RAB3GAP1: variants seen among roughly 807,000 people sequenced by gnomAD.
RAB3GAP1 encodes the protein RAB3 GTPase activating protein catalytic subunit 1.
RAB3GAP1 carries 86 observed loss-of-function variants against 130.7 expected under a neutral mutation model. That is an observed-to-expected ratio of 0.66 (90% CI 0.55 to 0.79). The LOEUF is 0.79. Ranked by LOEUF, RAB3GAP1 falls within the 30% of genes least tolerant of loss-of-function variation. The pLI, the probability that RAB3GAP1 is intolerant of heterozygous loss-of-function variation, is 0.00. For missense variants in RAB3GAP1, 1,029 were observed against 1,169.4 expected, an observed-to-expected ratio of 0.88 and a Z score of 1.75; for synonymous variants, 367 against 401.7, an observed-to-expected ratio of 0.91 and a Z score of 1.03.
At chr2:135,072,211 A>G (rs1186289099) in intron 3 of RAB3GAP1, among the ~76,000 whole-genome samples, 1 of 152,174 alleles carries the variant, frequency 6.6e-6, no homozygotes, top group African/African-American at 2.4e-5. Flanking sequence ...GTGCCCAGCC[A>G]TATATTGGAT....
intron 3 of RAB3GAP1, among the ~76,000 whole-genome samples, chr2:135,073,903 G>A (rs1689548109): frequency 1.3e-5 from 2 of 152,132 alleles, no homozygotes; most frequent in East Asian, 1.9e-4. Context: ...TGTTGGGGAC[G>A]CAAACTGCAG....
At chr2:135,075,355 A>C (rs1215603547) in intron 3 of RAB3GAP1, among the ~76,000 whole-genome samples, 1 of 152,332 alleles carries the variant, frequency 6.6e-6, no homozygotes, top group East Asian at 1.9e-4. Context: ...CCATTCATCT[A>C]CTTTTCAGAA....
chr2:135,087,966 A>G (rs1336096727), intron 3 of RAB3GAP1, among the ~76,000 whole-genome samples: 2 of 152,312 alleles, frequency 1.3e-5, no homozygotes, highest in Non-Finnish European at 2.9e-5. Flanking sequence ...GGAACTTGGT[A>G]TCAAGTGACT....
chr2:135,134,019 C>G lies in RAB3GAP1; in HGVS notation c.1485C>G (p.Asn495Lys), dbSNP rs545412173. Residue 495 changes from asparagine (N) to lysine (K), a missense_variant, in exon 15 of 24, where the codon AAC (asparagine) becomes AAG (lysine). Physicochemically the swap from Asn to Lys is moderately conservative, Grantham distance 94 (BLOSUM62 0). Coordinates refer to ENST00000264158, the MANE Select transcript of RAB3GAP1 (RefSeq NM_012233.3). ...VLEMRFRWEN[N>K]FLIPGLASGP... Reference sequence around the variant, plus strand: ...AAATGCGTTTCCGATGGGAAAACAACTTTCTGATTCCAGGGTAATAATTTC... The same window carrying G: ...AAATGCGTTTCCGATGGGAAAACAAGTTTCTGATTCCAGGGTAATAATTTC... 1 of 1,613,794 alleles carries G rather than the reference C, an allele frequency of 6.2e-7. No homozygotes were observed. Among genetic ancestry groups the G allele is most frequent in the East Asian group, 2.2e-5 (1 of 44,836 alleles).
At position 135,153,633 on chromosome 2, in the gene RAB3GAP1, T is replaced by G. The variant is rs1692233125; in HGVS notation, c.2062-16T>G. The G allele has an allele frequency of 6.2e-7, 1 of 1,611,382 alleles. No homozygotes were observed. The highest frequency in any genetic ancestry group is 8.5e-7 in the Non-Finnish European group (1 of 1,177,490). ...ATTTTCATTTGATTCTGCTGAATTT[T>G]TTTGTCTTATTTTAGGCAGCTAATC... On this transcript the variant is annotated splice_polypyrimidine_tract_variant and intron_variant, in intron 18 of 23. Coordinates refer to ENST00000264158, the MANE Select transcript of RAB3GAP1 (RefSeq NM_012233.3).
chr2:135,079,216 G>GCTCCAGTGATCCTCCCATCTTGGC (rs1689716442), intron 3 of RAB3GAP1, among the ~76,000 whole-genome samples: 1 of 152,072 alleles, frequency 6.6e-6, no homozygotes, highest in Non-Finnish European at 1.5e-5. Flanking sequence ...GAACTCCTGG[G>GCTCCAGTGATCCTCCCATCTTGGC]CTCCAGTGAT....
chr2:135,127,651 C>A (rs949603737), intron 11 of RAB3GAP1, among the ~76,000 whole-genome samples: 4 of 152,076 alleles, frequency 2.6e-5, no homozygotes, highest in African/African-American at 9.7e-5. Context: ...CTGAAGAGCA[C>A]TGTTTTTGAC....
At chr2:135,160,361 G>A (rs1467863202) in intron 19 of RAB3GAP1, among the ~76,000 whole-genome samples, 1 of 152,122 alleles carries the variant, frequency 6.6e-6, no homozygotes, top group Non-Finnish European at 1.5e-5. Context: ...TAGTGGTTGA[G>A]GGAAAGGGTC....
chr2:135,169,267 A>G lies in RAB3GAP1; in HGVS notation c.*486A>G, dbSNP rs746028041. 2.2e-5 allele frequency: 5 copies of G among 231,580 alleles called. No individual in the cohort carries two copies. The highest frequency in any genetic ancestry group is 1.0e-4 in the Admixed American group (2 of 19,180). The allele number at this position is 231,580 out of a possible 1,614,324, so 14.3% of individuals were successfully genotyped here. On this transcript the variant is annotated 3_prime_UTR_variant, in exon 24 of 24. Transcript: ENST00000264158. ...CCAGAATCTGTGTTTTTAAAATACT[A>G]CATGACATTCTGTCTATTCAATCAC...
At chr2:135,165,407 A>G (rs1373756608) in intron 23 of RAB3GAP1, among the ~76,000 whole-genome samples, 1 of 152,240 alleles carries the variant, frequency 6.6e-6, no homozygotes, top group Non-Finnish European at 1.5e-5. Flanking sequence ...TTCCCCTTAT[A>G]TGGCACTGTG....
intron 7 of RAB3GAP1, among the ~76,000 whole-genome samples, chr2:135,117,699 TCTTCTG>T (rs1253424565): frequency 1.3e-5 from 2 of 149,990 alleles, no homozygotes; most frequent in Non-Finnish European, 3.0e-5. Context: ...TTCTTCTGCT[TCTTCTG>T]CTTCTGCTTC....
rs1392451164 is a variant in RAB3GAP1 at position 135,109,587 on chromosome 2, T to TA, written c.363-3562dup. On this transcript the variant is annotated intron_variant, in intron 5 of 23. Transcript: ENST00000264158. ...CTCCAAAAAAAATTTTTTTTTTTTT[T>TA]AATTTTTTATTAAGAGACAGGGCCT... 1.0e-3 allele frequency among the ~76,000 whole-genome samples: 153 copies of TA among 151,798 alleles called. 1 individual carries two copies. Among genetic ancestry groups the TA allele is most frequent in the African/African-American group, 3.6e-3 (147 of 41,404 alleles).
chr2:135,054,647 T>C (rs1045438381), intron 2 of RAB3GAP1, among the ~76,000 whole-genome samples: 4 of 152,198 alleles, frequency 2.6e-5, no homozygotes, highest in Admixed American at 2.0e-4. Flanking sequence ...GTTAGAAAAA[T>C]GTAATTCAAA....
At chr2:135,157,331 T>C (rs977335170) in intron 19 of RAB3GAP1, among the ~76,000 whole-genome samples, 1 of 152,176 alleles carries the variant, frequency 6.6e-6, no homozygotes, top group Non-Finnish European at 1.5e-5. Context: ...GCTTTACTTA[T>C]TCCAAAAAAA....
chr2:135,052,538 A>G (rs925193122), intron 2 of RAB3GAP1, 53 bp downstream of exon 2: 17 of 1,603,134 alleles, frequency 1.1e-5, no homozygotes, highest in East Asian at 2.2e-5. Context: ...GGCGTCCCCT[A>G]GCCGCTTCCC....
At chr2:135,135,383 A>C in intron 16 of RAB3GAP1, 64 bp downstream of exon 16, 2 of 1,499,016 alleles carry the variant, frequency 1.3e-6, no homozygotes, top group Non-Finnish European at 1.9e-6. Flanking sequence ...TCTAATACTA[A>C]ATGTAATAAT....
chr2:135,136,914 C>T (rs570837413), intron 17 of RAB3GAP1: 2 of 237,336 alleles, frequency 8.4e-6, no homozygotes, highest in East Asian at 2.3e-4. Context: ...GTAACAAACA[C>T]CTCATCTCCA....
intron 23 of RAB3GAP1, among the ~76,000 whole-genome samples, chr2:135,166,084 A>G (rs1692639745): frequency 6.6e-6 from 1 of 151,998 alleles, no homozygotes. Flanking sequence ...AGGCAGGAGA[A>G]TCACTTGAAC....
At chr2:135,150,556 T>C in intron 18 of RAB3GAP1, 50 bp downstream of exon 18, 1 of 1,609,794 alleles carries the variant, frequency 6.2e-7, no homozygotes, top group Non-Finnish European at 8.5e-7. Flanking sequence ...TATTCTGGGA[T>C]GAAACTGTGA....
Sources: gnomAD v4.1 joint callset for allele counts (sites outside exome capture counted in the v4.1 genomes callset) on GRCh38, gnomAD v4.1.1 for gene constraint, MANE v1.5 for transcripts, NCBI Gene and HGNC (gene_info 2026-07-23, HGNC 2026-07-21) for gene names.